The following TTC34 variants were observed in gnomAD, a reference collection of about 807,000 sequenced individuals.
TTC34 encodes tetratricopeptide repeat domain 34.
In TTC34, 44 loss-of-function variants were observed where a neutral mutation model predicts 40.7. That is an observed-to-expected ratio of 1.08 (90% CI 0.85 to 1.39). TTC34 has a LOEUF of 1.39. Among genes scored for constraint, TTC34 ranks in the 40% most tolerant of loss-of-function variants. The pLI is 0.00. For synonymous variants in TTC34, 422 were observed against 398.6 expected (o/e 1.06, Z -0.70); for missense variants, 884 against 838.0 (o/e 1.05, Z -0.68).
At chr1:2,646,121 C>T (rs185894501) in intron 6 of TTC34, among the ~76,000 whole-genome samples, 57 of 152,314 alleles carry the variant, frequency 3.7e-4, no homozygotes, top group African/African-American at 1.3e-3. Context: ...TGCACAATAC[C>T]GCGCCTGGCC....
intron 6 of TTC34, among the ~76,000 whole-genome samples, chr1:2,676,890 A>T (rs1329041005): frequency 7.2e-5 from 4 of 55,390 alleles, no homozygotes; most frequent in South Asian, 1.4e-3. Flanking sequence ...CCCCACACCC[A>T]CAGGTGAGCA....
chr1:2,750,067 C>G (rs1435691910), intron 6 of TTC34, among the ~76,000 whole-genome samples: 2 of 94,196 alleles, frequency 2.1e-5, no homozygotes, highest in African/African-American at 5.3e-5. Context: ...ATCTGACAGC[C>G]TGGAGCAGCA....
intron 6 of TTC34, among the ~76,000 whole-genome samples, chr1:2,760,024 C>CTGGAG (rs1641644111): frequency 6.7e-5 from 8 of 119,804 alleles, no homozygotes; most frequent in Admixed American, 1.6e-4. Flanking sequence ...ATCGGAGAGT[C>CTGGAG]CGGAGCAGCG....
intron 3 of TTC34, among the ~76,000 whole-genome samples, chr1:2,788,766 C>T (rs1022260212): frequency 1.3e-5 from 2 of 152,166 alleles, no homozygotes; most frequent in African/African-American, 4.8e-5. Context: ...GAGAGAACAT[C>T]CTGGAGACAG....
At chr1:2,787,852 G>A (rs989576276) in intron 3 of TTC34, 146 bp from the exon 4 acceptor site, 5 of 625,842 alleles carry the variant, frequency 8.0e-6, no homozygotes, top group East Asian at 2.9e-5. Context: ...ACCATCCCCA[G>A]AAGCCAAAGG....
intron 6 of TTC34, among the ~76,000 whole-genome samples, chr1:2,780,160 A>T (rs1346950695): frequency 6.6e-6 from 1 of 152,072 alleles, no homozygotes; most frequent in African/African-American, 2.4e-5. Context: ...GAGTTTTAGG[A>T]CTTCTCTGTG....
chr1:2,656,359 T>A (rs1185109960), intron 6 of TTC34, among the ~76,000 whole-genome samples: 3 of 141,934 alleles, frequency 2.1e-5, no homozygotes, highest in Non-Finnish European at 3.0e-5. Flanking sequence ...TCTGACAGCC[T>A]GGAACAGCAC....
intron 6 of TTC34, among the ~76,000 whole-genome samples, chr1:2,768,065 G>A (rs1254174384): frequency 1.3e-5 from 2 of 151,464 alleles, no homozygotes; most frequent in Non-Finnish European, 2.9e-5. Flanking sequence ...TCATTTGCCA[G>A]CCAGGAACGG....
intron 6 of TTC34, among the ~76,000 whole-genome samples, chr1:2,694,875 C>A (rs1344759855): frequency 8.4e-6 from 1 of 119,234 alleles, no homozygotes; most frequent in African/African-American, 3.0e-5. Context: ...CCCACAACCA[C>A]AGGTGAGCAT....
intron 2 of TTC34, among the ~76,000 whole-genome samples, chr1:2,792,532 T>G (rs970681324): frequency 6.6e-6 from 1 of 152,188 alleles, no homozygotes. Context: ...GAGCTGAGTT[T>G]TGTTTTAGTA....
In TTC34 at chr1:2,698,826, A is replaced by G. The variant is rs895150781; in HGVS notation, c.2227-53263T>C. On this transcript the variant is annotated intron_variant, in intron 6 of 8. Coordinates refer to ENST00000401095, the Ensembl canonical transcript of TTC34. ...CCCCACACCCACAGGTGAGCATCTC[A>G]CAGCCTGCAACAGTACCCACACTCC... 6.8e-5 allele frequency among the ~76,000 whole-genome samples: 10 copies of G among 146,378 alleles called. 1 individual carries two copies. The highest frequency in any genetic ancestry group is 2.6e-4 in the African/African-American group (10 of 38,944).
chr1:2,778,598 C>T (rs1643398954), intron 6 of TTC34, among the ~76,000 whole-genome samples: 1 of 152,228 alleles, frequency 6.6e-6, no homozygotes, highest in South Asian at 2.1e-4. Context: ...CTCCTGCATT[C>T]ACCCGAGGTT....
At chr1:2,637,931 T>C (rs1638823400) in exon 9 of TTC34, 1 of 152,200 alleles carries the variant, frequency 6.6e-6, no homozygotes, top group East Asian at 1.9e-4. Context: ...ATGCTGAAGC[T>C]TGGCATGGGG....
chr1:2,769,590 CT>C (rs1226875778), intron 6 of TTC34, among the ~76,000 whole-genome samples: 12 of 133,354 alleles, frequency 9.0e-5, no homozygotes, highest in African/African-American at 3.7e-4. Flanking sequence ...CACCCCACAC[CT>C]CCAGGGGGAG....
rs537229877 is a variant in TTC34, at chr1:2,789,769, G to C, written c.1362C>G (p.Arg454=). Residue 454 remains arginine, a synonymous_variant, in exon 3 of 9, where the codon CGC becomes CGG. Coordinates refer to ENST00000401095, the Ensembl canonical transcript of TTC34. ...GCAGCAGTCCCCGGCCGCACAGCGC[G>C]CGCACACAGCCCCCCGGGTGCGGCG... 134 of 580,022 alleles carry C rather than the reference G, an allele frequency of 2.3e-4. No individual in the cohort carries two copies. The highest frequency in any genetic ancestry group is 1.4e-3 in the South Asian group (42 of 29,342). 35.9% of individuals were successfully genotyped at this position (580,022 alleles called of 1,614,324 possible). A position where few individuals can be genotyped will look rare whatever the true frequency, so the allele number is the denominator to read the frequency against.
exon 4 of TTC34, chr1:2,787,672 G>T (rs1643609265): frequency 6.5e-7 from 1 of 1,548,430 alleles, no homozygotes; most frequent in Non-Finnish European, 8.7e-7. Flanking sequence ...AGCTCCATCA[G>T]CAGTGTGGCC....
chr1:2,676,931 C>T (rs865812690), intron 6 of TTC34, among the ~76,000 whole-genome samples: 115 of 148,190 alleles, frequency 7.8e-4, no homozygotes, highest in Middle Eastern at 3.5e-3. Flanking sequence ...CCCACACCCC[C>T]AGGTGAGCAT....
rs113252473 is a variant in TTC34, at chr1:2,686,602, C to A, written c.2227-41039G>T. On this transcript the variant is annotated intron_variant, in intron 6 of 8. Coordinates refer to ENST00000401095, the Ensembl canonical transcript of TTC34. ...TGACCGCCTGGAACAGCACACACAC[C>A]CCCAGGCGAGCATCTGACAGCATGT... is the stretch of plus-strand genomic sequence containing the variant. Among the ~76,000 whole-genome samples, 9 of 78,874 alleles carry A rather than the reference C, an allele frequency of 1.1e-4. 1 individual carries two copies. The highest frequency in any genetic ancestry group is 3.0e-4 in the African/African-American group (5 of 16,452). 51.7% of individuals were successfully genotyped at this position (78,874 alleles called of 152,430 possible).
At chr1:2,688,135 C>G (rs796135999) in intron 6 of TTC34, among the ~76,000 whole-genome samples, 1,109 of 39,336 alleles carry the variant, frequency 0.028, no homozygotes, top group African/African-American at 0.04. Flanking sequence ...CACCCCCAGG[C>G]GAGCATCTGA....
Sources: allele counts gnomAD v4.1 joint callset (sites outside exome capture counted in the v4.1 genomes callset), GRCh38; gene constraint gnomAD v4.1.1; transcripts MANE v1.5; gene names NCBI Gene and HGNC (gene_info 2026-07-23, HGNC 2026-07-21).